EPHB2: variants seen among roughly 807,000 people sequenced by gnomAD.
The protein encoded by EPHB2 is ephrin type-B receptor 2.
In EPHB2, 18 loss-of-function variants were observed where a neutral mutation model predicts 96.4. The observed-to-expected ratio is 0.19, with a 90% confidence interval of 0.13 to 0.28. The LOEUF (loss-of-function observed/expected upper bound fraction) is 0.28, where lower values mean the gene tolerates loss of function less well. EPHB2 is among the 10% of genes least tolerant of loss of function. The pLI, the probability that EPHB2 is intolerant of heterozygous loss-of-function variation, is 1.00. For missense variants in EPHB2, 989 were observed against 1,355.4 expected (o/e 0.73, Z 4.25); for synonymous variants, 506 against 534.1 (o/e 0.95, Z 0.72).
chr1:22,766,531 G>A (rs1180995572), intron 1 of EPHB2, among the ~76,000 whole-genome samples: 2 of 152,150 alleles, frequency 1.3e-5, no homozygotes, highest in Non-Finnish European at 2.9e-5. Context: ...CTTGTGCAAA[G>A]GGCGTTGTGT....
At chr1:22,843,569 C>T (rs1201973595) in intron 3 of EPHB2, among the ~76,000 whole-genome samples, 2 of 152,100 alleles carry the variant, frequency 1.3e-5, no homozygotes, top group Non-Finnish European at 2.9e-5. Flanking sequence ...GAGACTTAGT[C>T]TCACTCTGTT....
At chr1:22,801,213 G>T (rs1041345994) in intron 3 of EPHB2, among the ~76,000 whole-genome samples, 1 of 152,176 alleles carries the variant, frequency 6.6e-6, no homozygotes, top group Non-Finnish European at 1.5e-5. Flanking sequence ...AAGGCTGGAG[G>T]TTCTCTCTCA....
chr1:22,910,440 C>T lies in EPHB2; in HGVS notation c.2561C>T (p.Ala854Val). 3 of 1,614,222 alleles carry T rather than the reference C, an allele frequency of 1.9e-6. No individual in the cohort carries two copies. The highest frequency in any genetic ancestry group is 4.5e-5 in the East Asian group (2 of 44,868). Residue 854 changes from alanine (A) to valine (V), a missense_variant, in exon 14 of 16, where the codon GCC becomes GTC. By Grantham distance (64) the Ala-to-Val change is moderately conservative (BLOSUM62 0). Transcript: ENST00000374630. ...RLPPPMDCPS[A>V]LHQLMLDCWQ... ...CCACCGCCCATGGACTGCCCGAGCG[C>T]CCTGCACCAACTCATGCTGGACTGT...
chr1:22,841,234 G>T (rs1282377418), intron 3 of EPHB2, among the ~76,000 whole-genome samples: 2 of 152,222 alleles, frequency 1.3e-5, no homozygotes, highest in Non-Finnish European at 2.9e-5. Flanking sequence ...CAAGATTACT[G>T]TGTCTTATCT....
chr1:22,775,165 G>A (rs781436038), intron 1 of EPHB2: 5 of 779,522 alleles, frequency 6.4e-6, no homozygotes, highest in Non-Finnish European at 1.2e-5. Flanking sequence ...CTATGGCCAT[G>A]GCATCTTAAA....
At chr1:22,876,345 G>A (rs549032898) in intron 5 of EPHB2, among the ~76,000 whole-genome samples, 1 of 152,274 alleles carries the variant, frequency 6.6e-6, no homozygotes, top group African/African-American at 2.4e-5. Flanking sequence ...CCTGTCCTGG[G>A]ATCCTAGTCC....
At chr1:22,778,985 G>C (rs1474695918) in intron 1 of EPHB2, among the ~76,000 whole-genome samples, 1 of 152,164 alleles carries the variant, frequency 6.6e-6, no homozygotes, top group Non-Finnish European at 1.5e-5. Context: ...GGGGCCACCT[G>C]CTTGGCAGCC....
intron 1 of EPHB2, among the ~76,000 whole-genome samples, chr1:22,745,631 T>G (rs1643963458): frequency 6.6e-6 from 1 of 152,162 alleles, no homozygotes; most frequent in Non-Finnish European, 1.5e-5. Context: ...TTTGGGCAAG[T>G]GACCTGTCTG....
At chr1:22,820,389 G>A (rs1042754735) in intron 3 of EPHB2, among the ~76,000 whole-genome samples, 30 of 152,170 alleles carry the variant, frequency 2.0e-4, no homozygotes, top group Non-Finnish European at 3.8e-4. Flanking sequence ...TGCTGAGCGC[G>A]GTGGCTCACG....
At chr1:22,782,788 A>G (rs1385350475) in intron 2 of EPHB2, among the ~76,000 whole-genome samples, 1 of 152,144 alleles carries the variant, frequency 6.6e-6, no homozygotes, top group Non-Finnish European at 1.5e-5. Context: ...AAAAAAAAAA[A>G]TTAATGCAAT....
intron 1 of EPHB2, among the ~76,000 whole-genome samples, chr1:22,740,600 A>G (rs1643889697): frequency 6.6e-6 from 1 of 152,186 alleles, no homozygotes; most frequent in Non-Finnish European, 1.5e-5. Flanking sequence ...ACACCATGCC[A>G]GGCAAGACCC....
At position 22,908,187 on chromosome 1, in the gene EPHB2, A is replaced by G. The variant is rs755183029; in HGVS notation, c.2352+19A>G. The G allele has an allele frequency of 1.9e-6, 3 of 1,613,884 alleles. No individual in the cohort carries two copies. Among genetic ancestry groups the G allele is most frequent in the African/African-American group, 2.7e-5 (2 of 74,942 alleles). On this transcript the variant is annotated intron_variant, in intron 12 of 15. Transcript: ENST00000374630. ...TGCCCTGGTAAGATGGAGGCAGGGA[A>G]CACCGGAGTCACAGAGCCAGAGAAG...
chr1:22,862,566 C>A (rs6703896), intron 3 of EPHB2, among the ~76,000 whole-genome samples: 1 of 152,218 alleles, frequency 6.6e-6, no homozygotes, highest in Admixed American at 6.5e-5. Context: ...TAGTGTCCTC[C>A]TCTATTCTAC....
chr1:22,828,940 G>A (rs1645262913), intron 3 of EPHB2, among the ~76,000 whole-genome samples: 1 of 152,252 alleles, frequency 6.6e-6, no homozygotes, highest in South Asian at 2.1e-4. Flanking sequence ...GACTGTTACA[G>A]TAAACACACA....
chr1:22,753,314 T>A (rs1230983168), intron 1 of EPHB2, among the ~76,000 whole-genome samples: 1 of 152,140 alleles, frequency 6.6e-6, no homozygotes, highest in African/African-American at 2.4e-5. Flanking sequence ...GATTGTTATG[T>A]GGATTAAATG....
intron 13 of EPHB2, among the ~76,000 whole-genome samples, chr1:22,909,426 C>T (rs1342399430): frequency 2.6e-5 from 4 of 152,266 alleles, no homozygotes; most frequent in Non-Finnish European, 4.4e-5. Flanking sequence ...GACGCATGCA[C>T]CTGTGGCCAG....
At position 22,913,777 on chromosome 1, in the gene EPHB2, G is replaced by C. The variant is rs1259274309; in HGVS notation, c.*207G>C. 1.2e-6 allele frequency: 2 copies of C among 1,607,956 alleles called. No individual in the cohort carries two copies. The highest frequency in any genetic ancestry group is 2.2e-5 in the South Asian group (2 of 89,920). ...GAAAAAAAAAGGGAATGGGAAAAAAGAAAACAGATCCTGGGAGGGGGCGGG... is the reference window on the plus strand; with the variant it reads ...GAAAAAAAAAGGGAATGGGAAAAAACAAAACAGATCCTGGGAGGGGGCGGG... On this transcript the variant is annotated 3_prime_UTR_variant, in exon 16 of 16. Transcript: ENST00000374630. The surrounding 1 kb of genome is among the most constrained non-coding windows in gnomAD (Gnocchi z 4.1).
At chr1:22,885,417 C>T (rs769193334) in intron 6 of EPHB2, among the ~76,000 whole-genome samples, 6 of 152,222 alleles carry the variant, frequency 3.9e-5, no homozygotes, top group Non-Finnish European at 5.9e-5. Context: ...TCCGCCGCTG[C>T]CCGAGCATCC....
At chr1:22,735,909 A>G (rs1027270204) in intron 1 of EPHB2, among the ~76,000 whole-genome samples, 2 of 152,168 alleles carry the variant, frequency 1.3e-5, no homozygotes, top group Non-Finnish European at 2.9e-5. Flanking sequence ...TCAGGACCGG[A>G]GCAGCCTAAG....
Sources: gnomAD v4.1 joint callset for allele counts (sites outside exome capture counted in the v4.1 genomes callset) on GRCh38, gnomAD v4.1.1 for gene constraint, Gnocchi (gnomAD v3.1) non-coding constraint, MANE v1.5 for transcripts, NCBI Gene and HGNC (gene_info 2026-07-23, HGNC 2026-07-21) for gene names.